TRIM37: variants seen among roughly 807,000 people sequenced by gnomAD.
TRIM37 encodes E3 ubiquitin-protein ligase TRIM37.
Under a neutral mutation model 129.8 loss-of-function variants are expected in TRIM37, and 80 were observed. The ratio of observed to expected loss-of-function variants is 0.62; its 90% CI spans 0.51 to 0.74. The LOEUF is 0.74. Among genes scored for constraint, TRIM37 ranks in the 30% least tolerant of loss-of-function variants. The pLI is 0.00. For missense variants in TRIM37, 1,054 were observed against 1,176.5 expected, an observed-to-expected ratio of 0.90 and a Z score of 1.52; for synonymous variants, 389 against 387.1, an observed-to-expected ratio of 1.00 and a Z score of -0.06.
intron 4 of TRIM37, 92 bp downstream of exon 4, chr17:59,088,199 T>A: frequency 1.3e-6 from 1 of 794,244 alleles, no homozygotes; most frequent in East Asian, 2.5e-5. Flanking sequence ...TACTTATTCA[T>A]AAATAACTAA....
At chr17:59,016,860 G>C (rs927836549) in intron 20 of TRIM37, among the ~76,000 whole-genome samples, 1 of 151,978 alleles carries the variant, frequency 6.6e-6, no homozygotes, top group Non-Finnish European at 1.5e-5. Context: ...ATTTTGTTAA[G>C]GGTCTGTTCT....
chr17:59,046,471 C>A (rs986104620), intron 16 of TRIM37, among the ~76,000 whole-genome samples: 6 of 152,096 alleles, frequency 3.9e-5, no homozygotes, highest in African/African-American at 1.4e-4. Context: ...TCAGACTAAT[C>A]CAAACTGAGG....
Position 59,062,609 on chromosome 17 carries a change from A to G in TRIM37, c.900T>C (p.Pro300=). 1.2e-6 allele frequency: 2 copies of G among 1,614,110 alleles called. No homozygotes were observed. Among genetic ancestry groups the G allele is most frequent in the South Asian group, 2.2e-5 (2 of 91,082 alleles). The part of the protein sequence containing the change: ...RQRADPVYSP[P]LQVSGLCWRL... ...TCCAGCAAAGTCCTGAAACTTGAAG[A>G]GGTGGACTGTAAACAGGATCTGCTC... The change falls in exon 11 of 24, where the codon CCT becomes CCC. Residue 300 remains proline (P), a synonymous_variant. Coordinates refer to ENST00000262294, the MANE Select transcript of TRIM37 (RefSeq NM_015294.6).
At chr17:59,037,817 T>C (rs1164190612) in intron 17 of TRIM37, among the ~76,000 whole-genome samples, 2 of 152,092 alleles carry the variant, frequency 1.3e-5, no homozygotes, top group African/African-American at 4.8e-5. Context: ...TGTTCCAGAG[T>C]CTCACCTAGA....
chr17:59,045,287 C>T (rs548128139), intron 16 of TRIM37, among the ~76,000 whole-genome samples: 4 of 151,826 alleles, frequency 2.6e-5, no homozygotes, highest in Non-Finnish European at 4.4e-5. Context: ...GGATATTGCG[C>T]CACTGCACTC....
intron 22 of TRIM37, among the ~76,000 whole-genome samples, chr17:59,003,394 T>C (rs2034039303): frequency 6.6e-6 from 1 of 152,142 alleles, no homozygotes; most frequent in African/African-American, 2.4e-5. Context: ...GTTCAGGAGC[T>C]AGTGTTATTT....
Position 58,992,322 on chromosome 17 carries a change from A to AAT in TRIM37, c.2891+7057_2891+7058dup, listed in dbSNP as rs35222079. ...TTATATATATATAAATACATATGTAAATATATATATATATATATATAAATA... is the reference window on the plus strand; with the variant it reads ...TTATATATATATAAATACATATGTAAATATATATATATATATATATATAAATA... On this transcript the variant is annotated intron_variant, in intron 24 of 24. Coordinates refer to the TRIM37 transcript ENST00000393066. Among the ~76,000 whole-genome samples the AAT allele has an allele frequency of 7.2e-3, 998 of 137,756 alleles. 6 individuals are homozygous for AAT. The highest frequency in any genetic ancestry group is 0.032 in the East Asian group (155 of 4,908). The allele number at this position is 137,756 out of a possible 152,430, so 90.4% of individuals were successfully genotyped here.
chr17:59,092,980 G>T (rs1335736018), intron 2 of TRIM37, among the ~76,000 whole-genome samples: 1 of 151,890 alleles, frequency 6.6e-6, no homozygotes, highest in Non-Finnish European at 1.5e-5. Context: ...GTGAAATCCC[G>T]TCTCTACTAA....
intron 24 of TRIM37, chr17:58,984,131 A>C (rs2031574338): frequency 6.6e-6 from 1 of 152,642 alleles, no homozygotes. Flanking sequence ...TCCTTGAATT[A>C]TTATGATTAA....
At chr17:59,034,069 T>C (rs1002629203) in intron 17 of TRIM37, among the ~76,000 whole-genome samples, 2 of 150,980 alleles carry the variant, frequency 1.3e-5, no homozygotes, top group Non-Finnish European at 2.9e-5. Context: ...ATCACACCAC[T>C]GCACTCTAGT....
chr17:59,051,554 T>C (rs1407073388), intron 13 of TRIM37, among the ~76,000 whole-genome samples: 1 of 152,166 alleles, frequency 6.6e-6, no homozygotes, highest in Non-Finnish European at 1.5e-5. Flanking sequence ...ACATTGTACA[T>C]TGTAGTTAAG....
At chr17:59,018,600 A>G (rs547497421) in intron 19 of TRIM37, among the ~76,000 whole-genome samples, 2 of 152,314 alleles carry the variant, frequency 1.3e-5, no homozygotes, top group South Asian at 4.1e-4. Flanking sequence ...GAAAGAAAAT[A>G]GAGACAACAG....
downstream of TRIM37, among the ~76,000 whole-genome samples, chr17:58,997,950 C>T (rs983921095): frequency 1.3e-5 from 2 of 152,140 alleles, no homozygotes; most frequent in Non-Finnish European, 2.9e-5. Flanking sequence ...GGCTTGGAAA[C>T]GAGGGGGAAA....
chr17:58,971,733 G>C, the TRIM37 span, among the ~76,000 whole-genome samples: 1 of 152,184 alleles, frequency 6.6e-6, no homozygotes, highest in African/African-American at 2.4e-5. Context: ...ATGAAATGGA[G>C]AGCAGAATAT....
rs770340127 is a variant in TRIM37, at chr17:59,028,575, T to A, written c.2097A>T (p.Ile699=). ...KTDVKNTLSE[I]KSSSAASGDM... ...CTCCAGAAGCAGCACTGCTGCTTTT[T>A]ATTTCTGAAAGTGTATTCTTTACAT... is the stretch of plus-strand genomic sequence containing the variant. Residue 699 remains isoleucine, a synonymous_variant, in exon 19 of 24, where the codon ATA becomes ATT. Transcript: ENST00000262294. 39 of 1,614,266 alleles carry A rather than the reference T, an allele frequency of 2.4e-5. 1 individual carries two copies. The South Asian group carries it at 4.3e-4, about 18-fold the overall frequency.
chr17:59,055,166 A>T (rs1412409883), intron 13 of TRIM37, among the ~76,000 whole-genome samples: 1 of 151,594 alleles, frequency 6.6e-6, no homozygotes, highest in Non-Finnish European at 1.5e-5. Context: ...GAGAAACCCC[A>T]TCTCTACTAA....
chr17:59,083,023 A>G (rs2043434205), intron 5 of TRIM37, among the ~76,000 whole-genome samples: 1 of 152,140 alleles, frequency 6.6e-6, no homozygotes. Flanking sequence ...TCTTATAGCA[A>G]CTCTAGATAC....
chr17:59,049,477 A>G (rs1159748368), intron 14 of TRIM37, 84 bp from the exon 15 acceptor site: 1 of 1,182,350 alleles, frequency 8.5e-7, no homozygotes. Context: ...AAATGCATCC[A>G]GATGTTTCTA....
At chr17:59,068,063 G>C (rs1356607023) in intron 9 of TRIM37, among the ~76,000 whole-genome samples, 1 of 152,050 alleles carries the variant, frequency 6.6e-6, no homozygotes, top group African/African-American at 2.4e-5. Flanking sequence ...TTTCTTATTT[G>C]GCCCTCTTTT....
Sources: allele counts gnomAD v4.1 joint callset (sites outside exome capture counted in the v4.1 genomes callset), GRCh38; gene constraint gnomAD v4.1.1; transcripts MANE v1.5; gene names NCBI Gene and HGNC (gene_info 2026-07-23, HGNC 2026-07-21).